Variants in CRACDL observed in about 807,000 individuals in gnomAD.
CRACDL encodes the protein CRACD-like protein.
A neutral mutation model predicts 70.6 loss-of-function variants in CRACDL; 26 were observed. The observed-to-expected ratio is 0.37, with a 90% confidence interval of 0.27 to 0.51. The LOEUF (loss-of-function observed/expected upper bound fraction) is 0.51, where lower values mean the gene tolerates loss of function less well. CRACDL is among the 20% of genes least tolerant of loss of function. The pLI, the probability that CRACDL is intolerant of heterozygous loss-of-function variation, is 0.94. For synonymous variants in CRACDL, 618 were observed against 615.2 expected (o/e 1.00, Z -0.07); for missense variants, 1,283 against 1,376.9 (o/e 0.93, Z 1.08).
Position 98,793,912 on chromosome 2 carries a change from G to A in CRACDL, c.*620C>T, listed in dbSNP as rs1358576790. The A allele has an allele frequency of 6.6e-6, 1 of 152,614 alleles. No homozygotes were observed. Among genetic ancestry groups the A allele is most frequent in the African/African-American group, 2.4e-5 (1 of 41,436 alleles). The allele number at this position is 152,614 out of a possible 1,614,324, so 9.5% of individuals were successfully genotyped here. On this transcript the variant is annotated 3_prime_UTR_variant, in exon 10 of 10. Transcript: ENST00000397899. Reference sequence around the variant, plus strand: ...GTGGTTAAAGACACAGATGCCTAGTGGAAAAGTTTAAAAATTATTTTTGGA... The same window carrying A: ...GTGGTTAAAGACACAGATGCCTAGTAGAAAAGTTTAAAAATTATTTTTGGA...
At chr2:98,842,138 G>A (rs6739097) in intron 2 of CRACDL, among the ~76,000 whole-genome samples, 63,212 of 151,490 alleles carry the variant, frequency 0.42, 14,129 homozygotes, top group African/African-American at 0.58. Flanking sequence ...TCCCGAGACT[G>A]TGCTCAAATG....
intron 7 of CRACDL, among the ~76,000 whole-genome samples, chr2:98,811,668 T>C (rs1704571083): frequency 6.6e-6 from 1 of 152,090 alleles, no homozygotes. Flanking sequence ...CCTGAAGAAT[T>C]CCTTCTTCCT....
At chr2:98,884,624 C>A (rs976154117) in intron 1 of CRACDL, among the ~76,000 whole-genome samples, 3 of 152,176 alleles carry the variant, frequency 2.0e-5, no homozygotes, top group Non-Finnish European at 2.9e-5. Flanking sequence ...GGAGGTGGGA[C>A]CTTTGGCAGG....
At chr2:98,884,716 C>T (rs375704588) in intron 1 of CRACDL, among the ~76,000 whole-genome samples, 140 of 152,304 alleles carry the variant, frequency 9.2e-4, no homozygotes, top group African/African-American at 3.2e-3. Context: ...CTCACTCCTG[C>T]TATGTGAGAA....
rs1158358160 is a variant in CRACDL, at chr2:98,897,526, CT to C, written c.-11+38411del. On this transcript the variant is annotated intron_variant, in intron 1 of 9. Transcript: ENST00000397899. ...CACCAAAACCTTGAAGGTTTCATAA[CT>C]TTTTCTGGTCACTTTAGATTCCTAA... The C allele has an allele frequency of 3.7e-5, 17 of 461,400 alleles. No individual in the cohort carries two copies. In the Admixed American group the frequency reaches 6.1e-4, roughly 17 times the overall value. The allele number at this position is 461,400 out of a possible 1,614,324, so 28.6% of individuals were successfully genotyped here.
chr2:98,871,869 G>A (rs1164379660), intron 1 of CRACDL, among the ~76,000 whole-genome samples: 6 of 152,188 alleles, frequency 3.9e-5, no homozygotes, highest in African/African-American at 1.4e-4. Context: ...GGGAAAATCA[G>A]CTATGACAGA....
chr2:98,838,019 AC>A, intron 3 of CRACDL, 99 bp downstream of exon 3: 1 of 1,009,742 alleles, frequency 9.9e-7, no homozygotes, highest in South Asian at 1.8e-5. Context: ...TAATGGAATT[AC>A]CCAGGAGGAA....
At chr2:98,800,244 A>C (rs1704015961) in intron 7 of CRACDL, among the ~76,000 whole-genome samples, 1 of 152,180 alleles carries the variant, frequency 6.6e-6, no homozygotes, top group Non-Finnish European at 1.5e-5. Context: ...TAAAATTTAC[A>C]AAGGGCTATG....
chr2:98,925,094 C>T (rs1573207746), intron 1 of CRACDL, among the ~76,000 whole-genome samples: 2 of 152,276 alleles, frequency 1.3e-5, no homozygotes, highest in Non-Finnish European at 1.5e-5. Flanking sequence ...GTGGAAGCTG[C>T]TGCCAGTAGG....
chr2:98,911,544 A>C (rs1209283647), intron 1 of CRACDL, among the ~76,000 whole-genome samples: 1 of 152,182 alleles, frequency 6.6e-6, no homozygotes, highest in Non-Finnish European at 1.5e-5. Flanking sequence ...TCCAAAGATC[A>C]AAGAGAAGGA....
chr2:98,882,052 G>A (rs919567028), intron 1 of CRACDL, among the ~76,000 whole-genome samples: 2 of 152,170 alleles, frequency 1.3e-5, no homozygotes, highest in African/African-American at 4.8e-5. Flanking sequence ...CTGGTTCCAC[G>A]TCCCATACGA....
chr2:98,829,009 A>C (rs949926098), intron 5 of CRACDL, among the ~76,000 whole-genome samples: 1 of 152,244 alleles, frequency 6.6e-6, no homozygotes, highest in Non-Finnish European at 1.5e-5. Flanking sequence ...GTCTAGAGGA[A>C]CAATGTATAA....
At chr2:98,852,218 C>T (rs902594345) in intron 1 of CRACDL, among the ~76,000 whole-genome samples, 18 of 152,144 alleles carry the variant, frequency 1.2e-4, no homozygotes, top group African/African-American at 4.3e-4. Flanking sequence ...TGGCTCCCCT[C>T]CCCTGAATTC....
chr2:98,869,609 G>C (rs1707271651), intron 1 of CRACDL, among the ~76,000 whole-genome samples: 1 of 152,192 alleles, frequency 6.6e-6, no homozygotes, highest in South Asian at 2.1e-4. Flanking sequence ...TGAGAAAATC[G>C]GAAACAGCTT....
chr2:98,848,687 G>C (rs1479968821), intron 1 of CRACDL, among the ~76,000 whole-genome samples: 1 of 152,148 alleles, frequency 6.6e-6, no homozygotes. Context: ...GGGCTCAAGA[G>C]ATCCTCCCAC....
At chr2:98,845,366 T>G (rs1382594519) in intron 2 of CRACDL, among the ~76,000 whole-genome samples, 1 of 151,948 alleles carries the variant, frequency 6.6e-6, no homozygotes, top group Non-Finnish European at 1.5e-5. Context: ...CCAGCCAATT[T>G]TTAAATTTTT....
chr2:98,794,345 C>T lies in CRACDL; in HGVS notation c.*187G>A. 2 of 498,792 alleles carry T rather than the reference C, an allele frequency of 4.0e-6. No homozygotes were observed. The highest frequency in any genetic ancestry group is 4.0e-5 in the South Asian group (1 of 24,924). The allele number at this position is 498,792 out of a possible 1,614,324, so 30.9% of individuals were successfully genotyped here. ...TTGTTCTTGTTTCTGGGCCCTCTGGCCCAGGAGTATGGCTGTGTGTTTATC... is the reference window on the plus strand; with the variant it reads ...TTGTTCTTGTTTCTGGGCCCTCTGGTCCAGGAGTATGGCTGTGTGTTTATC... On this transcript the variant is annotated 3_prime_UTR_variant, in exon 10 of 10. Transcript: ENST00000397899.
At chr2:98,924,049 C>A (rs1421133871) in intron 1 of CRACDL, among the ~76,000 whole-genome samples, 1 of 152,234 alleles carries the variant, frequency 6.6e-6, no homozygotes, top group Non-Finnish European at 1.5e-5. Flanking sequence ...CATGCTATTA[C>A]AACAGAAGTG....
chr2:98,907,103 C>T (rs889235869), intron 1 of CRACDL, among the ~76,000 whole-genome samples: 1 of 152,026 alleles, frequency 6.6e-6, no homozygotes, highest in Non-Finnish European at 1.5e-5. Flanking sequence ...ACCAGCCTGG[C>T]CAACATGGTG....
Sources: allele counts gnomAD v4.1 joint callset (sites outside exome capture counted in the v4.1 genomes callset), GRCh38; gene constraint gnomAD v4.1.1; transcripts MANE v1.5; gene names NCBI Gene and HGNC (gene_info 2026-07-23, HGNC 2026-07-21).